Variants in PPM1E observed in about 807,000 individuals in gnomAD.
The protein encoded by PPM1E is protein phosphatase, Mg2+/Mn2+ dependent 1E.
Under a neutral mutation model 65.9 loss-of-function variants are expected in PPM1E, and 20 were observed. The observed-to-expected ratio is 0.30, with a 90% CI of 0.21 to 0.44. The LOEUF (loss-of-function observed/expected upper bound fraction) is 0.44, where lower values mean the gene tolerates loss of function less well. PPM1E is among the 20% of genes least tolerant of loss of function. The pLI is 1.00. For missense variants in PPM1E, 713 were observed against 953.1 expected, an observed-to-expected ratio of 0.75 and a Z score of 3.32; for synonymous variants, 352 against 374.9, an observed-to-expected ratio of 0.94 and a Z score of 0.70.
Position 58,949,766 on chromosome 17 carries a change from G to A in PPM1E, c.465-5883G>A, listed in dbSNP as rs186502860. Among the ~76,000 whole-genome samples the A allele has an allele frequency of 7.1e-4, 108 of 152,072 alleles. 1 individual carries two copies. Among genetic ancestry groups the A allele is most frequent in the African/African-American group, 2.5e-3 (104 of 41,496 alleles). ...ATCTTTTTATTTCCAGATGTAAGAC[G>A]CCCTTGAACATTTCTCTTGGACTAG... On this transcript the variant is annotated intron_variant, in intron 1 of 6. Transcript: ENST00000308249.
intron 1 of PPM1E, among the ~76,000 whole-genome samples, chr17:58,928,461 AC>A (rs904963094): frequency 6.6e-6 from 1 of 152,066 alleles, no homozygotes; most frequent in Non-Finnish European, 1.5e-5. Flanking sequence ...ACTATTATAC[AC>A]CCATCAGAAT....
At chr17:58,789,556 G>C (rs2050136008) in intron 1 of PPM1E, among the ~76,000 whole-genome samples, 1 of 152,070 alleles carries the variant, frequency 6.6e-6, no homozygotes, top group African/African-American at 2.4e-5. Context: ...AAATTCACTA[G>C]CTAATCTCTG....
At chr17:58,917,274 T>C (rs1464261015) in intron 1 of PPM1E, among the ~76,000 whole-genome samples, 2 of 151,786 alleles carry the variant, frequency 1.3e-5, no homozygotes, top group African/African-American at 4.8e-5. Context: ...ACATAATGTA[T>C]TGAGGTGTTT....
intron 1 of PPM1E, among the ~76,000 whole-genome samples, chr17:58,763,730 A>G (rs916085676): frequency 1.3e-5 from 2 of 152,146 alleles, no homozygotes; most frequent in African/African-American, 4.8e-5. Context: ...CGTTCTTGCT[A>G]CCATTTGAAC....
intron 1 of PPM1E, among the ~76,000 whole-genome samples, chr17:58,787,957 G>C (rs1445082207): frequency 6.6e-6 from 1 of 150,926 alleles, no homozygotes; most frequent in Non-Finnish European, 1.5e-5. Context: ...GCCGTGTTCA[G>C]AGTTTTCTTT....
intron 1 of PPM1E, among the ~76,000 whole-genome samples, chr17:58,765,925 G>C (rs1357937092): frequency 6.8e-6 from 1 of 147,906 alleles, no homozygotes; most frequent in African/African-American, 2.5e-5. Flanking sequence ...CTGTTGCCCA[G>C]GCTGGAGTGC....
chr17:58,913,812 A>G (rs919433176), intron 1 of PPM1E, among the ~76,000 whole-genome samples: 2 of 152,128 alleles, frequency 1.3e-5, no homozygotes, highest in Non-Finnish European at 2.9e-5. Flanking sequence ...TACCCCAAAC[A>G]TGAATCTTAG....
At chr17:58,873,882 C>T (rs1040475466) in intron 1 of PPM1E, among the ~76,000 whole-genome samples, 2 of 150,670 alleles carry the variant, frequency 1.3e-5, no homozygotes, top group African/African-American at 4.9e-5. Flanking sequence ...TAGGAGTGAA[C>T]CACCGTGCCC....
chr17:58,851,387 C>G (rs901830428), intron 1 of PPM1E, among the ~76,000 whole-genome samples: 2 of 152,184 alleles, frequency 1.3e-5, no homozygotes, highest in Non-Finnish European at 2.9e-5. Flanking sequence ...CTTTTCTGCT[C>G]TGGTTTGTCC....
chr17:58,803,123 T>A (rs960235405), intron 1 of PPM1E, among the ~76,000 whole-genome samples: 1 of 152,204 alleles, frequency 6.6e-6, no homozygotes, highest in Non-Finnish European at 1.5e-5. Flanking sequence ...TGAGTAGAAA[T>A]GGCAAAACTG....
chr17:58,969,823 G>C, intron 4 of PPM1E, 96 bp downstream of exon 4: 1 of 1,163,964 alleles, frequency 8.6e-7, no homozygotes, highest in Non-Finnish European at 1.2e-6. Context: ...TCTCTTTCTG[G>C]GCAGACATTA....
chr17:58,818,694 T>C (rs2050450711), intron 1 of PPM1E, among the ~76,000 whole-genome samples: 1 of 152,246 alleles, frequency 6.6e-6, no homozygotes, highest in African/African-American at 2.4e-5. Flanking sequence ...AATTTATTAC[T>C]GACACCACAT....
intron 1 of PPM1E, among the ~76,000 whole-genome samples, chr17:58,844,995 T>A (rs1324977218): frequency 6.6e-6 from 1 of 152,198 alleles, no homozygotes; most frequent in Non-Finnish European, 1.5e-5. Context: ...GGCACTGGCT[T>A]CTCATATATA....
Position 58,982,622 on chromosome 17 carries a change from AC to A in PPM1E, c.*1592del. The A allele has an allele frequency of 5.0e-6, 2 of 402,952 alleles. No homozygotes were observed. Among genetic ancestry groups the A allele is most frequent in the Non-Finnish European group, 9.0e-6 (2 of 222,974 alleles). The allele number at this position is 402,952 out of a possible 1,614,324, so 25.0% of individuals were successfully genotyped here. On this transcript the variant is annotated 3_prime_UTR_variant, in exon 7 of 7. Transcript: ENST00000308249. ...ATACCAGTATAGCTATATCAAATAGACAAAAACAGCTTCACTTTAGCAATGA... is the reference window on the plus strand; with the variant it reads ...ATACCAGTATAGCTATATCAAATAGAAAAAACAGCTTCACTTTAGCAATGA...
chr17:58,901,334 A>G (rs1278117101), intron 1 of PPM1E, among the ~76,000 whole-genome samples: 1 of 152,232 alleles, frequency 6.6e-6, no homozygotes, highest in Non-Finnish European at 1.5e-5. Context: ...TGAAGAAATT[A>G]TATTGCATTT....
At chr17:58,955,492 C>A in intron 1 of PPM1E, 157 bp from the exon 2 acceptor site, 2 of 795,776 alleles carry the variant, frequency 2.5e-6, no homozygotes, top group South Asian at 1.5e-5. Flanking sequence ...ATATCCAGTG[C>A]CCAGAGTGCC....
chr17:58,759,768 C>G (rs1041717989), intron 1 of PPM1E, among the ~76,000 whole-genome samples: 1 of 152,106 alleles, frequency 6.6e-6, no homozygotes, highest in Non-Finnish European at 1.5e-5. Flanking sequence ...TGAGGGTGGA[C>G]ACTTTAAAAA....
intron 1 of PPM1E, among the ~76,000 whole-genome samples, chr17:58,882,866 TTC>T (rs774445599): frequency 6.6e-5 from 10 of 152,232 alleles, no homozygotes; most frequent in Non-Finnish European, 1.5e-4. Context: ...CTCCTATTTT[TTC>T]TGTTTTTCTG....
At chr17:58,838,070 A>G (rs1425263978) in intron 1 of PPM1E, among the ~76,000 whole-genome samples, 13 of 152,226 alleles carry the variant, frequency 8.5e-5, no homozygotes, top group Admixed American at 7.8e-4. Flanking sequence ...ATACACATAA[A>G]TGTAAAATGC....
Sources: gnomAD v4.1 joint callset for allele counts (sites outside exome capture counted in the v4.1 genomes callset) on GRCh38, gnomAD v4.1.1 for gene constraint, MANE v1.5 for transcripts, NCBI Gene and HGNC (gene_info 2026-07-23, HGNC 2026-07-21) for gene names.